GMDS: variants seen among roughly 807,000 people sequenced by gnomAD.
The protein encoded by GMDS is GDP-mannose 4,6-dehydratase, also known as GDP-mannose 4,6 dehydratase.
GMDS carries 20 observed loss-of-function variants against 49.9 expected under a neutral mutation model. That is an observed-to-expected ratio of 0.40 (90% confidence interval 0.28 to 0.58). GMDS has a LOEUF of 0.58. Among genes scored for constraint, GMDS ranks in the 20% least tolerant of loss-of-function variants. GMDS has a pLI of 0.42. For missense variants in GMDS, 362 were observed against 481.4 expected (o/e 0.75, Z 2.32); for synonymous variants, 177 against 178.6 (o/e 0.99, Z 0.07).
chr6:1,635,715 T>C lies in GMDS; in HGVS notation c.988-11175A>G, dbSNP rs1763125402. ...CAGATGCAAACGAGAGCCTGGTTCA[T>C]ACTCTGCCAACTTGCCTAAAATGAT... On this transcript the variant is annotated intron_variant, in intron 9 of 10. Coordinates refer to ENST00000380815, the MANE Select transcript of GMDS (RefSeq NM_001500.4). The surrounding 1 kb of genome is among the most constrained non-coding windows in gnomAD (Gnocchi z 4.7). Among the ~76,000 whole-genome samples the C allele has an allele frequency of 6.6e-6, 1 of 152,214 alleles. No homozygotes were observed. The highest frequency in any genetic ancestry group is 2.1e-4 in the South Asian group (1 of 4,832).
At chr6:2,222,408 T>C (rs1780634422) in intron 1 of GMDS, among the ~76,000 whole-genome samples, 3 of 152,222 alleles carry the variant, frequency 2.0e-5, no homozygotes, top group Admixed American at 6.5e-5. Flanking sequence ...TCACTGCTTA[T>C]CTCCGACCCT....
At chr6:1,926,238 A>G (rs1761999660) in intron 7 of GMDS, among the ~76,000 whole-genome samples, 1 of 152,238 alleles carries the variant, frequency 6.6e-6, no homozygotes, top group South Asian at 2.1e-4. Flanking sequence ...AGATAAGGAA[A>G]GGGGTCTAAC....
At chr6:2,147,106 G>C (rs1776594392) in intron 1 of GMDS, among the ~76,000 whole-genome samples, 1 of 152,162 alleles carries the variant, frequency 6.6e-6, no homozygotes, top group Non-Finnish European at 1.5e-5. Flanking sequence ...TTACCCAGTT[G>C]ATTCTTAAAC....
intron 4 of GMDS, among the ~76,000 whole-genome samples, chr6:2,007,042 T>C (rs1395409809): frequency 6.6e-6 from 1 of 152,346 alleles, no homozygotes; most frequent in Middle Eastern, 3.4e-3. Context: ...TCATATACAG[T>C]ACTCTTATAA....
At chr6:1,769,986 C>T (rs936908717) in intron 7 of GMDS, among the ~76,000 whole-genome samples, 33 of 152,188 alleles carry the variant, frequency 2.2e-4, no homozygotes, top group African/African-American at 8.0e-4. Context: ...TCGGCCTCCC[C>T]GAGTGCTGGG....
intron 7 of GMDS, among the ~76,000 whole-genome samples, chr6:1,925,479 G>C (rs1372486819): frequency 6.6e-6 from 1 of 152,082 alleles, no homozygotes; most frequent in Admixed American, 6.6e-5. Context: ...ATTTTTTACA[G>C]GGTTTATATT....
chr6:1,656,096 G>A (rs1561704258), intron 9 of GMDS, among the ~76,000 whole-genome samples: 1 of 152,184 alleles, frequency 6.6e-6, no homozygotes, highest in Admixed American at 6.5e-5. Flanking sequence ...CTGGCTCTAG[G>A]ACATCTGCCA....
At chr6:1,772,180 G>A (rs956419531) in intron 7 of GMDS, among the ~76,000 whole-genome samples, 1 of 152,218 alleles carries the variant, frequency 6.6e-6, no homozygotes, top group African/African-American at 2.4e-5. Context: ...AAATGAAGAA[G>A]GAGACAATGA....
intron 9 of GMDS, among the ~76,000 whole-genome samples, chr6:1,644,369 C>G (rs1034550849): frequency 2.6e-5 from 4 of 152,208 alleles, no homozygotes; most frequent in Non-Finnish European, 5.9e-5. Flanking sequence ...CCAGAGCCTT[C>G]CTGCCTTCCT....
chr6:2,203,659 GA>G (rs915290917), intron 1 of GMDS, among the ~76,000 whole-genome samples: 14 of 150,070 alleles, frequency 9.3e-5, no homozygotes, highest in South Asian at 2.1e-4. Context: ...TTAACACTAC[GA>G]AAAAAAAATG....
At chr6:1,846,026 T>C (rs531711888) in intron 7 of GMDS, among the ~76,000 whole-genome samples, 2 of 151,742 alleles carry the variant, frequency 1.3e-5, no homozygotes, top group Non-Finnish European at 2.9e-5. Flanking sequence ...TGTCCTGTGG[T>C]CTTTTTGATA....
intron 4 of GMDS, among the ~76,000 whole-genome samples, chr6:1,999,763 C>G (rs918224151): frequency 1.4e-5 from 2 of 147,370 alleles, no homozygotes; most frequent in African/African-American, 2.5e-5. Context: ...ATCTCCTCTC[C>G]CAATTTTGCT....
At position 2,168,972 on chromosome 6, in the gene GMDS, T is replaced by A. The variant is rs139798626; in HGVS notation, c.103-44241A>T. Among the ~76,000 whole-genome samples the A allele has an allele frequency of 2.0e-5, 3 of 152,244 alleles. No homozygotes were observed. In the East Asian group the frequency reaches 5.8e-4, roughly 29 times the overall value. Reference sequence around the variant, plus strand: ...TGATTATATAACCAAGACCGTATCATGTAAATACTGAAAGTTTAAAGTCAT... The same window carrying A: ...TGATTATATAACCAAGACCGTATCAAGTAAATACTGAAAGTTTAAAGTCAT... On this transcript the variant is annotated intron_variant, in intron 1 of 10. Coordinates refer to ENST00000380815, the MANE Select transcript of GMDS (RefSeq NM_001500.4).
At chr6:1,629,879 C>T (rs895046656) in intron 9 of GMDS, among the ~76,000 whole-genome samples, 1 of 152,184 alleles carries the variant, frequency 6.6e-6, no homozygotes, top group Admixed American at 6.5e-5. Flanking sequence ...CGTATGCATG[C>T]CCCAGAAACC....
At position 1,766,590 on chromosome 6, in the gene GMDS, G is replaced by A. The variant is rs1305633041; in HGVS notation, c.772-24004C>T. On this transcript the variant is annotated intron_variant, in intron 7 of 10. Transcript: ENST00000380815. The surrounding 1 kb of genome is among the most constrained non-coding windows in gnomAD (Gnocchi z 4.5). The stretch of plus-strand genomic sequence containing the variant: ...GGGAGGAGGGTCTAAGGTGGGCCTC[G>A]CTACTCCAGTGCCTCCGGAGCCCAG... Among the ~76,000 whole-genome samples the A allele has an allele frequency of 6.6e-6, 1 of 152,040 alleles. No individual in the cohort carries two copies. Among genetic ancestry groups the A allele is most frequent in the Non-Finnish European group, 1.5e-5 (1 of 68,016 alleles).
intron 7 of GMDS, among the ~76,000 whole-genome samples, chr6:1,818,092 A>G (rs962115021): frequency 3.9e-5 from 6 of 152,170 alleles, no homozygotes; most frequent in African/African-American, 1.4e-4. Flanking sequence ...GCAAATACAT[A>G]ATCTGAATGC....
intron 7 of GMDS, among the ~76,000 whole-genome samples, chr6:1,832,885 C>A (rs1347354962): frequency 6.6e-6 from 1 of 152,186 alleles, no homozygotes; most frequent in Admixed American, 6.5e-5. Context: ...ATGTGAAGCA[C>A]ACGATGAACT....
chr6:2,136,539 T>C (rs9501809), intron 1 of GMDS, among the ~76,000 whole-genome samples: 16,658 of 152,116 alleles, frequency 0.11, 3,013 homozygotes, highest in African/African-American at 0.38. Flanking sequence ...CTGGGCAACA[T>C]AGTGAGACCC....
At chr6:2,120,926 C>T (rs185697313) in intron 2 of GMDS, among the ~76,000 whole-genome samples, 160 of 152,324 alleles carry the variant, frequency 1.1e-3, no homozygotes, top group South Asian at 4.4e-3. Flanking sequence ...CCCCATGTCA[C>T]TCTGCCACCT....
Sources: gnomAD v4.1 joint callset for allele counts (sites outside exome capture counted in the v4.1 genomes callset) on GRCh38, gnomAD v4.1.1 for gene constraint, Gnocchi (gnomAD v3.1) non-coding constraint, MANE v1.5 for transcripts, NCBI Gene and HGNC (gene_info 2026-07-23, HGNC 2026-07-21) for gene names.